NCALD: variants seen among roughly 807,000 people sequenced by gnomAD.
NCALD encodes neurocalcin delta, also known as neurocalcin-delta.
In NCALD, 10 loss-of-function variants were observed where a neutral mutation model predicts 18.6. That is an observed-to-expected ratio of 0.54 (90% CI 0.33 to 0.91). NCALD has a LOEUF of 0.91. Ranked by LOEUF, NCALD falls within the 40% of genes least tolerant of loss-of-function variation. NCALD has a pLI of 0.03. For synonymous variants in NCALD, 88 were observed against 87.4 expected, an observed-to-expected ratio of 1.01 and a Z score of -0.04; for missense variants, 184 against 247.6, an observed-to-expected ratio of 0.74 and a Z score of 1.72.
At chr8:101,890,510 G>T (rs185264725) in intron 3 of NCALD, among the ~76,000 whole-genome samples, 65 of 152,214 alleles carry the variant, frequency 4.3e-4, no homozygotes, top group African/African-American at 1.5e-3. Flanking sequence ...CTTGGGGGTG[G>T]TGATTAAGTC....
intron 4 of NCALD, among the ~76,000 whole-genome samples, chr8:101,883,103 G>A (rs1205774493): frequency 2.0e-5 from 3 of 152,206 alleles, no homozygotes; most frequent in African/African-American, 7.2e-5. Context: ...CAGATGTGGT[G>A]GCTCACGTCT....
intron 3 of NCALD, chr8:101,692,092 G>A: frequency 1.0e-6 from 1 of 971,808 alleles, no homozygotes; most frequent in Non-Finnish European, 1.2e-6. Context: ...CCTAACAACT[G>A]TTGCTGTTTA....
At position 102,070,359 on chromosome 8, in the gene NCALD, ATAT is replaced by A. The variant is rs201763618; in HGVS notation, c.-209-50073_-209-50071del. Among the ~76,000 whole-genome samples, 782 of 152,294 alleles carry A rather than the reference ATAT, an allele frequency of 5.1e-3. 6 individuals carry two copies. The highest frequency in any genetic ancestry group is 0.018 in the African/African-American group (739 of 41,570). On this transcript the variant is annotated intron_variant, in intron 1 of 6. Coordinates refer to the NCALD transcript ENST00000311028. ...TGAAAAAAGTTATCACTCTGCATTTATATTATTTAATCCAAATTTACAAGAGTA... is the reference window on the plus strand; with the variant it reads ...TGAAAAAAGTTATCACTCTGCATTTATATTTAATCCAAATTTACAAGAGTA...
intron 3 of NCALD, among the ~76,000 whole-genome samples, chr8:101,897,457 G>A (rs1488508885): frequency 6.6e-6 from 1 of 150,684 alleles, no homozygotes; most frequent in East Asian, 2.0e-4. Context: ...CATGGCACAT[G>A]TATACATATG....
chr8:102,058,709 C>G (rs776929009), intron 1 of NCALD, among the ~76,000 whole-genome samples: 2 of 152,212 alleles, frequency 1.3e-5, no homozygotes, highest in Non-Finnish European at 2.9e-5. Flanking sequence ...ATAATGGCCC[C>G]TGAAGATGCC....
At chr8:102,084,162 A>G (rs1415697535) in intron 1 of NCALD, among the ~76,000 whole-genome samples, 1 of 152,092 alleles carries the variant, frequency 6.6e-6, no homozygotes, top group Non-Finnish European at 1.5e-5. Flanking sequence ...AATTTTCTAC[A>G]TTACTTTCAC....
intron 4 of NCALD, chr8:101,871,848 G>C (rs1428823454): frequency 1.9e-6 from 1 of 522,442 alleles, no homozygotes; most frequent in Non-Finnish European, 3.5e-6. Flanking sequence ...CCTTGGAATC[G>C]CTGTCCCTCC....
chr8:101,997,521 G>A (rs1821281666), intron 2 of NCALD, among the ~76,000 whole-genome samples: 1 of 152,154 alleles, frequency 6.6e-6, no homozygotes, highest in Non-Finnish European at 1.5e-5. Context: ...CATGTTTAAA[G>A]ACTTGATGCA....
intron 1 of NCALD, among the ~76,000 whole-genome samples, chr8:101,748,036 C>T (rs1810499614): frequency 6.6e-6 from 1 of 152,136 alleles, no homozygotes; most frequent in Non-Finnish European, 1.5e-5. Flanking sequence ...GATTATTATA[C>T]ACTAATAATG....
rs576301194 is a variant in NCALD at position 101,872,084 on chromosome 8, G to A, written c.-20+15057C>T. The A allele has an allele frequency of 7.2e-6, 11 of 1,518,390 alleles. No homozygotes were observed. In the East Asian group the frequency reaches 1.6e-4, roughly 22 times the overall value. The allele number at this position is 1,518,390 out of a possible 1,614,324, so 94.1% of individuals were successfully genotyped here. A position where few individuals can be genotyped will look rare whatever the true frequency, so the allele number is the denominator to read the frequency against. On this transcript the variant is annotated intron_variant, in intron 4 of 6. Coordinates refer to the NCALD transcript ENST00000311028. ...GGCAGATTCCTATCAGGATAATTGG[G>A]TATGCAGGTGGTTGAATTGGCTTTG... is the stretch of plus-strand genomic sequence containing the variant.
intron 1 of NCALD, among the ~76,000 whole-genome samples, chr8:101,790,270 C>T (rs1034656472): frequency 2.0e-5 from 3 of 152,104 alleles, no homozygotes; most frequent in Non-Finnish European, 2.9e-5. Context: ...GGCATATTCC[C>T]GATTATTTCT....
At chr8:101,888,985 T>A (rs564559004) in intron 3 of NCALD, among the ~76,000 whole-genome samples, 1 of 151,864 alleles carries the variant, frequency 6.6e-6, no homozygotes, top group African/African-American at 2.4e-5. Context: ...TTTGCCATGT[T>A]ATGATTCAGC....
intron 1 of NCALD, chr8:101,779,815 A>T (rs1811941946): frequency 6.6e-6 from 1 of 152,164 alleles, no homozygotes; most frequent in African/African-American, 2.4e-5. Flanking sequence ...TAAAAATATA[A>T]GCCTGTACTC....
chr8:101,941,939 C>A (rs1209718727), intron 2 of NCALD, among the ~76,000 whole-genome samples: 1 of 151,972 alleles, frequency 6.6e-6, no homozygotes, highest in East Asian at 1.9e-4. Context: ...TTCTTTTTTC[C>A]CCAGGATTTT....
intron 3 of NCALD, among the ~76,000 whole-genome samples, chr8:101,899,429 T>A (rs985938668): frequency 5.3e-5 from 8 of 152,022 alleles, no homozygotes; most frequent in African/African-American, 1.9e-4. Flanking sequence ...AGTACTATAT[T>A]GAATAGGAGT....
intron 1 of NCALD, among the ~76,000 whole-genome samples, chr8:102,022,551 G>T (rs1003905466): frequency 1.9e-4 from 29 of 152,114 alleles, no homozygotes; most frequent in African/African-American, 6.8e-4. Context: ...CTAGTATTGA[G>T]GTGTCCCCTC....
At chr8:101,742,851 GT>G (rs1258575933) in intron 1 of NCALD, among the ~76,000 whole-genome samples, 1 of 152,048 alleles carries the variant, frequency 6.6e-6, no homozygotes, top group African/African-American at 2.4e-5. Context: ...GCCCCAATAT[GT>G]GTTGTTCCCC....
rs541360048 is a variant in NCALD at position 101,827,714 on chromosome 8, T to C, written c.-20+59427A>G. Among the ~76,000 whole-genome samples the C allele has an allele frequency of 1.1e-4, 17 of 152,282 alleles. No homozygotes were observed. In the South Asian group the frequency reaches 3.5e-3, roughly 32 times the overall value. Reference sequence around the variant, plus strand: ...CTGTCTTAGACCAAAACACACAAGGTTGTTAGGAAAGGAAGATTTTCCTTA... The same window carrying C: ...CTGTCTTAGACCAAAACACACAAGGCTGTTAGGAAAGGAAGATTTTCCTTA... On this transcript the variant is annotated intron_variant, in intron 4 of 6. Transcript: ENST00000311028.
At chr8:102,017,431 A>G (rs757340714) in intron 2 of NCALD, among the ~76,000 whole-genome samples, 1 of 152,190 alleles carries the variant, frequency 6.6e-6, no homozygotes, top group Non-Finnish European at 1.5e-5. Context: ...CTACTCTTCC[A>G]GGCTGAGCGC....
Sources: gnomAD v4.1 joint callset for allele counts (sites outside exome capture counted in the v4.1 genomes callset) on GRCh38, gnomAD v4.1.1 for gene constraint, MANE v1.5 for transcripts, NCBI Gene and HGNC (gene_info 2026-07-23, HGNC 2026-07-21) for gene names.